The following BAZ2B variants were observed in gnomAD, a reference collection of about 807,000 sequenced individuals.
The protein encoded by BAZ2B is bromodomain adjacent to zinc finger domain 2B.
A neutral mutation model predicts 246.0 loss-of-function variants in BAZ2B; 91 were observed. That is an observed-to-expected ratio of 0.37 (90% CI 0.31 to 0.44). BAZ2B has a LOEUF of 0.44. BAZ2B is among the 20% of genes least tolerant of loss of function. The pLI is 1.00. For missense variants in BAZ2B, 2,332 were observed against 2,533.7 expected, an observed-to-expected ratio of 0.92 and a Z score of 1.71; for synonymous variants, 855 against 860.0, an observed-to-expected ratio of 0.99 and a Z score of 0.10.
At chr2:159,572,934 C>G (rs1365857026) in intron 1 of BAZ2B, among the ~76,000 whole-genome samples, 1 of 152,112 alleles carries the variant, frequency 6.6e-6, no homozygotes, top group East Asian at 1.9e-4. Flanking sequence ...TTGGAATTTT[C>G]TTTTCCAGAG....
the BAZ2B span, among the ~76,000 whole-genome samples, chr2:159,625,160 C>A: frequency 6.6e-6 from 1 of 152,044 alleles, no homozygotes; most frequent in Non-Finnish European, 1.5e-5. Flanking sequence ...AACAAAGCCT[C>A]CAAGAAATAT....
chr2:159,603,063 G>A lies in BAZ2B; in HGVS notation c.-46+13179C>T, dbSNP rs376229235. Among the ~76,000 whole-genome samples the A allele has an allele frequency of 7.2e-5, 11 of 152,330 alleles. No homozygotes were observed. The South Asian group carries it at 2.1e-3, about 29-fold the overall frequency. ...GAGGCAGGGGAATTGCTCGAAACCA[G>A]CAGGCGGAGGTTGCAATGAGCCGAG... On this transcript the variant is annotated intron_variant, in intron 1 of 36. Coordinates refer to ENST00000392783, the MANE Select transcript of BAZ2B (RefSeq NM_013450.4).
intron 2 of BAZ2B, among the ~76,000 whole-genome samples, chr2:159,547,707 A>C (rs1014730032): frequency 6.6e-6 from 1 of 152,202 alleles, no homozygotes; most frequent in African/African-American, 2.4e-5. Context: ...GAAAACATCA[A>C]ACCACAGCAG....
chr2:159,449,550 T>C (rs1435310635), intron 4 of BAZ2B, among the ~76,000 whole-genome samples: 1 of 152,130 alleles, frequency 6.6e-6, no homozygotes, highest in South Asian at 2.1e-4. Flanking sequence ...CAAAATCTGG[T>C]TTAAAAGAAA....
At chr2:159,543,384 G>C (rs563517069) in intron 2 of BAZ2B, among the ~76,000 whole-genome samples, 15 of 152,080 alleles carry the variant, frequency 9.9e-5, no homozygotes, top group African/African-American at 3.4e-4. Context: ...TATTATCAGA[G>C]ACACTGAGTA....
At chr2:159,440,016 C>T (rs56227116) in intron 6 of BAZ2B, among the ~76,000 whole-genome samples, 17,330 of 151,684 alleles carry the variant, frequency 0.11, 1,111 homozygotes, top group Middle Eastern at 0.19. Flanking sequence ...TAGTAGTGGA[C>T]AAAAAGAGGA....
At chr2:159,638,145 C>A in the BAZ2B span, among the ~76,000 whole-genome samples, 6,190 of 152,300 alleles carry the variant, frequency 0.041, 177 homozygotes, top group Non-Finnish European at 0.064. Flanking sequence ...GCGTGGTAAT[C>A]AAGAGAATTC....
At chr2:159,426,318 C>T (rs2069860057) in intron 13 of BAZ2B, among the ~76,000 whole-genome samples, 1 of 152,120 alleles carries the variant, frequency 6.6e-6, no homozygotes, top group South Asian at 2.1e-4. Context: ...GCTTTCCTCT[C>T]CGAACAAAAA....
intron 1 of BAZ2B, among the ~76,000 whole-genome samples, chr2:159,580,430 A>T (rs1686464417): frequency 6.6e-6 from 1 of 152,172 alleles, no homozygotes; most frequent in African/African-American, 2.4e-5. Context: ...ACAAACAAAT[A>T]GAAGAACATT....
chr2:159,400,915 G>A (rs1252682208), intron 16 of BAZ2B, among the ~76,000 whole-genome samples: 2 of 152,048 alleles, frequency 1.3e-5, no homozygotes, highest in African/African-American at 4.8e-5. Flanking sequence ...TTGGTGGCGG[G>A]CACCTGTAGT....
the BAZ2B span, chr2:159,694,792 T>C: frequency 3.3e-5 from 5 of 152,244 alleles, no homozygotes; most frequent in Non-Finnish European, 7.3e-5. Flanking sequence ...CATTTGTGTA[T>C]AGGGTTTTGT....
chr2:159,699,538 T>C, the BAZ2B span, among the ~76,000 whole-genome samples: 1 of 152,000 alleles, frequency 6.6e-6, no homozygotes, highest in East Asian at 1.9e-4. Context: ...CCCTGTCTCT[T>C]AGAGGACAAA....
intron 1 of BAZ2B, among the ~76,000 whole-genome samples, chr2:159,605,674 T>C (rs1267727521): frequency 1.3e-5 from 2 of 152,102 alleles, no homozygotes; most frequent in Non-Finnish European, 2.9e-5. Flanking sequence ...GGAGGATCTC[T>C]TGTGCCCAGT....
intron 28 of BAZ2B, among the ~76,000 whole-genome samples, chr2:159,349,495 A>G (rs1479680116): frequency 6.6e-6 from 1 of 152,238 alleles, no homozygotes; most frequent in Non-Finnish European, 1.5e-5. Context: ...CGTTACAGTA[A>G]TAAGTTAAAA....
At chr2:159,653,032 G>T in the BAZ2B span, among the ~76,000 whole-genome samples, 1 of 151,934 alleles carries the variant, frequency 6.6e-6, no homozygotes, top group African/African-American at 2.4e-5. Context: ...CTTCCTCCTG[G>T]GTTCAAGTGA....
chr2:159,627,058 G>C, the BAZ2B span, among the ~76,000 whole-genome samples: 2 of 152,086 alleles, frequency 1.3e-5, no homozygotes, highest in African/African-American at 4.8e-5. Context: ...AAATAAACTA[G>C]AAAATCTAGA....
At chr2:159,489,313 A>T (rs778436856) in intron 2 of BAZ2B, among the ~76,000 whole-genome samples, 3 of 151,460 alleles carry the variant, frequency 2.0e-5, no homozygotes, top group African/African-American at 4.8e-5. Context: ...TGAAGATGAT[A>T]AAAAAAAAGA....
Position 159,412,469 on chromosome 2 carries a change from G to T in BAZ2B, c.2543C>A (p.Pro848Gln). 3 of 1,613,996 alleles carry T rather than the reference G, an allele frequency of 1.9e-6. No homozygotes were observed. The highest frequency in any genetic ancestry group is 2.5e-6 in the Non-Finnish European group (3 of 1,179,978). Residue 848 changes from proline to glutamine, a missense_variant, in exon 14 of 37, where the codon CCA (proline) becomes CAA (glutamine). Pro to Gln is a moderately conservative substitution (Grantham distance 76). Transcript: ENST00000392783. ...TGCTCGTTGTCTATCTGGATTTGGTGGTCTTCCTCTACGACCTTCCATTGC... is the reference window on the plus strand; with the variant it reads ...TGCTCGTTGTCTATCTGGATTTGGTTGTCTTCCTCTACGACCTTCCATTGC... ...IRAMEGRRGR[P>Q]PNPDRQRARE...
chr2:159,506,780 C>T (rs951028986), intron 2 of BAZ2B, among the ~76,000 whole-genome samples: 1 of 152,174 alleles, frequency 6.6e-6, no homozygotes, highest in Non-Finnish European at 1.5e-5. Context: ...CTTTTGGGAT[C>T]ACAAACAAAT....
Sources: allele counts gnomAD v4.1 joint callset (sites outside exome capture counted in the v4.1 genomes callset), GRCh38; gene constraint gnomAD v4.1.1; transcripts MANE v1.5; gene names NCBI Gene and HGNC (gene_info 2026-07-23, HGNC 2026-07-21).